The following CAPZA2 variants were observed in gnomAD, a reference collection of about 807,000 sequenced individuals.
The protein encoded by CAPZA2 is capping actin protein of muscle Z-line subunit alpha 2, also known as F-actin-capping protein subunit alpha-2.
CAPZA2 carries 13 observed loss-of-function variants against 44.0 expected under a neutral mutation model. That is an observed-to-expected ratio of 0.30 (90% CI 0.19 to 0.47). The LOEUF is 0.47. Among genes scored for constraint, CAPZA2 ranks in the 20% least tolerant of loss-of-function variants. The pLI is 1.00. For missense variants in CAPZA2, 244 were observed against 338.6 expected (o/e 0.72, Z 2.19); for synonymous variants, 94 against 108.2 (o/e 0.87, Z 0.81).
chr7:116,908,402 C>T (rs1278908342), intron 6 of CAPZA2, among the ~76,000 whole-genome samples: 1 of 152,124 alleles, frequency 6.6e-6, no homozygotes, highest in African/African-American at 2.4e-5. Context: ...CAGGATCTAG[C>T]AGTATTAGGG....
intron 2 of CAPZA2, among the ~76,000 whole-genome samples, chr7:116,889,823 C>G (rs148992816): frequency 5.7e-4 from 87 of 152,246 alleles, no homozygotes; most frequent in African/African-American, 2.0e-3. Flanking sequence ...AAATTAAAAT[C>G]TGCTGTTTAA....
intron 2 of CAPZA2, among the ~76,000 whole-genome samples, chr7:116,891,370 T>C (rs75222984): frequency 0.017 from 2,524 of 152,308 alleles, 93 homozygotes; most frequent in African/African-American, 0.058. Context: ...ACTTCCCACT[T>C]TGTGGGATAA....
At chr7:116,896,470 A>G (rs1796929379) in intron 3 of CAPZA2, among the ~76,000 whole-genome samples, 2 of 152,262 alleles carry the variant, frequency 1.3e-5, no homozygotes, top group South Asian at 4.1e-4. Flanking sequence ...GAAATACAAT[A>G]GAGGCATGTG....
At chr7:116,894,577 A>C (rs1490884277) in intron 3 of CAPZA2, among the ~76,000 whole-genome samples, 1 of 152,192 alleles carries the variant, frequency 6.6e-6, no homozygotes, top group Non-Finnish European at 1.5e-5. Flanking sequence ...TTACCCATTA[A>C]GTGTACAGAT....
rs1791731843 is a variant in CAPZA2 at position 116,919,384 on chromosome 7, T to C, written c.*1517T>C. ...TTTTTAAAATATATATATTTGAAAG[T>C]TTGATGATGGTGAACTAAATACTAG... On this transcript the variant is annotated 3_prime_UTR_variant, in exon 10 of 10. Coordinates refer to ENST00000361183, the MANE Select transcript of CAPZA2 (RefSeq NM_006136.3). The C allele has an allele frequency of 6.6e-6, 1 of 152,328 alleles. No individual in the cohort carries two copies. Among genetic ancestry groups the C allele is most frequent in the South Asian group, 2.1e-4 (1 of 4,824 alleles). 9.4% of individuals were successfully genotyped at this position (152,328 alleles called of 1,614,324 possible).
rs1432982308 is a variant in CAPZA2 at position 116,920,314 on chromosome 7, A to G, written c.*2447A>G. ...GAAGAATGGAAACCCAGAGTATCCTATAGCTCAGGGATGTAATTTTAGTAG... is the reference window on the plus strand; with the variant it reads ...GAAGAATGGAAACCCAGAGTATCCTGTAGCTCAGGGATGTAATTTTAGTAG... On this transcript the variant is annotated 3_prime_UTR_variant, in exon 10 of 10. Transcript: ENST00000361183. The G allele has an allele frequency of 1.3e-5, 2 of 152,310 alleles. No individual in the cohort carries two copies. The highest frequency in any genetic ancestry group is 2.1e-4 in the South Asian group (1 of 4,818). The allele number at this position is 152,310 out of a possible 1,614,324, so 9.4% of individuals were successfully genotyped here.
intron 4 of CAPZA2, among the ~76,000 whole-genome samples, chr7:116,900,097 G>A (rs1796977550): frequency 6.6e-6 from 1 of 151,618 alleles, no homozygotes; most frequent in Non-Finnish European, 1.5e-5. Flanking sequence ...GAGAAATTCA[G>A]TAGCCATTTT....
intron 8 of CAPZA2, among the ~76,000 whole-genome samples, chr7:116,915,119 A>G (rs922846835): frequency 3.5e-4 from 53 of 152,076 alleles, no homozygotes; most frequent in African/African-American, 1.3e-3. Context: ...CTCTACTAAA[A>G]ATACAAAACC....
At chr7:116,893,873 G>A (rs1796884635) in intron 3 of CAPZA2, among the ~76,000 whole-genome samples, 1 of 152,104 alleles carries the variant, frequency 6.6e-6, no homozygotes, top group Non-Finnish European at 1.5e-5. Flanking sequence ...ACTTTTCGCA[G>A]CTATCCTGCA....
chr7:116,911,718 G>A (rs1791600275), intron 7 of CAPZA2, among the ~76,000 whole-genome samples: 1 of 152,228 alleles, frequency 6.6e-6, no homozygotes, highest in Middle Eastern at 3.4e-3. Context: ...GGAATTAAAT[G>A]GTTGGTGGAA....
chr7:116,872,977 A>G (rs1163224751), intron 1 of CAPZA2, among the ~76,000 whole-genome samples: 65 of 152,166 alleles, frequency 4.3e-4, no homozygotes, highest in Non-Finnish European at 1.5e-5. Flanking sequence ...AGATAGATTC[A>G]CTGGGTCTGG....
intron 1 of CAPZA2, among the ~76,000 whole-genome samples, chr7:116,867,099 A>G (rs573231528): frequency 6.6e-6 from 1 of 152,360 alleles, no homozygotes; most frequent in South Asian, 2.1e-4. Flanking sequence ...TTATACAAAT[A>G]ACTTATTTCT....
At chr7:116,892,231 T>A (rs1796855173) in intron 2 of CAPZA2, among the ~76,000 whole-genome samples, 1 of 152,214 alleles carries the variant, frequency 6.6e-6, no homozygotes, top group Non-Finnish European at 1.5e-5. Context: ...GTTGTTTGTG[T>A]TATTTTCATC....
intron 9 of CAPZA2, 124 bp downstream of exon 9, chr7:116,916,246 G>C: frequency 2.1e-6 from 2 of 967,090 alleles, no homozygotes; most frequent in Non-Finnish European, 2.8e-6. Context: ...TTGTGTGTCT[G>C]CTTTTAACAC....
intron 5 of CAPZA2, among the ~76,000 whole-genome samples, chr7:116,904,989 A>AAAAAAAAAAAAAAAAAAAAAAAAAAAAG (rs71148343): frequency 6.7e-6 from 1 of 149,290 alleles, no homozygotes; most frequent in African/African-American, 2.5e-5. Flanking sequence ...AAAAAAAAAA[A>AAAAAAAAAAAAAAAAAAAAAAAAAAAAG]CAATTAGCCG....
intron 1 of CAPZA2, among the ~76,000 whole-genome samples, chr7:116,880,853 G>A (rs950522906): frequency 2.0e-5 from 3 of 151,034 alleles, no homozygotes; most frequent in Admixed American, 1.3e-4. Context: ...GATTACAGGT[G>A]TCCAGTACCA....
At position 116,914,874 on chromosome 7, in the gene CAPZA2, C is replaced by T. The variant is rs143879722; in HGVS notation, c.658-1186C>T. On this transcript the variant is annotated intron_variant, in intron 8 of 9. Coordinates refer to ENST00000361183, the MANE Select transcript of CAPZA2 (RefSeq NM_006136.3). Reference sequence around the variant, plus strand: ...AAAAAACTTACTAATGTCTGATTTTCCATGAGATGTTCTCCATATAGTTAC... The same window carrying T: ...AAAAAACTTACTAATGTCTGATTTTTCATGAGATGTTCTCCATATAGTTAC... 1.8e-4 allele frequency among the ~76,000 whole-genome samples: 27 copies of T among 152,320 alleles called. 1 individual carries two copies. The highest frequency in any genetic ancestry group is 6.0e-4 in the African/African-American group (25 of 41,574).
chr7:116,898,616 A>G (rs1796955503), intron 3 of CAPZA2, among the ~76,000 whole-genome samples, 156 bp from the exon 4 acceptor site: 1 of 152,180 alleles, frequency 6.6e-6, no homozygotes, highest in South Asian at 2.1e-4. Flanking sequence ...CATTATTTGT[A>G]GTTAGTATAA....
At chr7:116,901,187 A>G (rs760725162) in intron 4 of CAPZA2, among the ~76,000 whole-genome samples, 40 of 152,156 alleles carry the variant, frequency 2.6e-4, no homozygotes, top group Non-Finnish European at 5.1e-4. Context: ...AAATCATTCT[A>G]TTATAAAGAA....
Sources: allele counts gnomAD v4.1 joint callset (sites outside exome capture counted in the v4.1 genomes callset), GRCh38; gene constraint gnomAD v4.1.1; transcripts MANE v1.5; gene names NCBI Gene and HGNC (gene_info 2026-07-23, HGNC 2026-07-21).